ELP1: variants seen among roughly 807,000 people sequenced by gnomAD.
ELP1 encodes the protein elongator acetyltransferase complex subunit 1.
Under a neutral mutation model 183.2 loss-of-function variants are expected in ELP1, and 131 were observed. The ratio of observed to expected loss-of-function variants is 0.72; its 90% CI spans 0.62 to 0.83. The LOEUF (loss-of-function observed/expected upper bound fraction) is 0.83. Ranked by LOEUF, ELP1 falls within the 40% of genes least tolerant of loss-of-function variation. ELP1 has a pLI of 0.00. For synonymous variants in ELP1, 555 were observed against 569.0 expected, an observed-to-expected ratio of 0.98 and a Z score of 0.35; for missense variants, 1,550 against 1,594.9, an observed-to-expected ratio of 0.97 and a Z score of 0.48.
chr9:108,870,234 G>C (rs981381950), intron 36 of ELP1, among the ~76,000 whole-genome samples: 3 of 152,094 alleles, frequency 2.0e-5, no homozygotes, highest in African/African-American at 7.2e-5. Context: ...AAAGTGCTGG[G>C]ATTACAGGTG....
At chr9:108,912,553 T>G in intron 10 of ELP1, 59 bp from the exon 11 acceptor site, 1 of 1,228,516 alleles carries the variant, frequency 8.1e-7, no homozygotes, top group Non-Finnish European at 1.2e-6. Context: ...TCATCCCACT[T>G]GCCAGAGGGG....
rs1406884630 is a variant in ELP1 at position 108,922,913 on chromosome 9, C to T, written c.481G>A (p.Val161Ile). Residue 161 changes from valine to isoleucine, a missense_variant, in exon 6 of 37, where the codon GTT becomes ATT. Val to Ile is a conservative substitution (Grantham distance 29). Transcript: ENST00000374647. Reference sequence around the variant, plus strand: ...TGTGTCTCCTTCCTACCCCATCCAACAGTGATAAACTTGCCTACAGAACAA... The same window carrying T: ...TGTGTCTCCTTCCTACCCCATCCAATAGTGATAAACTTGCCTACAGAACAA... ...DDFGESKFIT[V>I]GWGRKETQFH... 1.2e-6 allele frequency: 2 copies of T among 1,613,720 alleles called. No individual in the cohort carries two copies. The highest frequency in any genetic ancestry group is 1.3e-5 in the African/African-American group (1 of 75,044).
At chr9:108,922,188 T>C (rs182701068) in intron 6 of ELP1, among the ~76,000 whole-genome samples, 1 of 152,316 alleles carries the variant, frequency 6.6e-6, no homozygotes, top group East Asian at 1.9e-4. Flanking sequence ...TTCATAGTTT[T>C]AAAAAATATT....
At chr9:108,903,281 G>A (rs561468303) in intron 15 of ELP1, among the ~76,000 whole-genome samples, 14 of 151,394 alleles carry the variant, frequency 9.2e-5, no homozygotes, top group African/African-American at 3.4e-4. Flanking sequence ...CTGTGTCCAA[G>A]TGTTCTCACT....
chr9:108,870,193 C>G (rs1407504145), intron 36 of ELP1, among the ~76,000 whole-genome samples: 1 of 152,056 alleles, frequency 6.6e-6, no homozygotes, highest in Non-Finnish European at 1.5e-5. Flanking sequence ...TCTCAAAACT[C>G]CTGGTCTCGT....
At chr9:108,915,714 T>C (rs1276181453) in intron 10 of ELP1, among the ~76,000 whole-genome samples, 1 of 139,352 alleles carries the variant, frequency 7.2e-6, no homozygotes, top group Non-Finnish European at 1.6e-5. Context: ...CAGCTGACCC[T>C]TGAACAACAC....
rs990520942 is a variant in ELP1, at chr9:108,898,754, G to A, written c.2205-5C>T. ...AATGCCTCTTTAAACATAAGTCTGT[G>A]AGAAGACAGAGAAAGAATAGAAAAG... On this transcript the variant is annotated splice_region_variant and splice_polypyrimidine_tract_variant and intron_variant, in intron 20 of 36. Coordinates refer to ENST00000374647, the MANE Select transcript of ELP1 (RefSeq NM_003640.5). The A allele has an allele frequency of 2.5e-6, 4 of 1,592,048 alleles. No individual in the cohort carries two copies. Among genetic ancestry groups the A allele is most frequent in the Admixed American group, 3.3e-5 (2 of 59,970 alleles).
At chr9:108,919,479 C>A in intron 6 of ELP1, 130 bp from the exon 7 acceptor site, 1 of 615,424 alleles carries the variant, frequency 1.6e-6, no homozygotes, top group Non-Finnish European at 3.0e-6. Context: ...CCTCTAGAAT[C>A]AGAAACCATC....
chr9:108,910,214 C>T (rs938704010), intron 12 of ELP1, among the ~76,000 whole-genome samples: 15 of 152,130 alleles, frequency 9.9e-5, no homozygotes, highest in Non-Finnish European at 1.8e-4. Flanking sequence ...GCATTTTACA[C>T]ACTGAAACTA....
intron 2 of ELP1, among the ~76,000 whole-genome samples, chr9:108,930,453 C>G (rs568094621): frequency 1.1e-4 from 16 of 152,018 alleles, no homozygotes; most frequent in African/African-American, 3.6e-4. Context: ...CTTGGCCGGG[C>G]GCTGAGGCAG....
At chr9:108,879,321 C>T in intron 33 of ELP1, 125 bp downstream of exon 33, 1 of 754,396 alleles carries the variant, frequency 1.3e-6, no homozygotes, top group Non-Finnish European at 2.4e-6. Context: ...ACAACTTCCA[C>T]ACAGCGCTGA....
At position 108,879,529 on chromosome 9, in the gene ELP1, T is replaced by G. The variant is rs765087809; in HGVS notation, c.3489A>C (p.Ser1163=). ...CACTGCTAGTTTCAGAGAAGAGGTCTGACTCTTGCCCGTGGGGTACCTCAT... is the reference window on the plus strand; with the variant it reads ...CACTGCTAGTTTCAGAGAAGAGGTCGGACTCTTGCCCGTGGGGTACCTCAT... ...LDDEVPHGQE[S]DLFSETSSVV... The change falls in exon 33 of 37, where the codon TCA becomes TCC. Residue 1163 remains serine, a synonymous_variant. Coordinates refer to ENST00000374647, the MANE Select transcript of ELP1 (RefSeq NM_003640.5). 7 of 1,613,998 alleles carry G rather than the reference T, an allele frequency of 4.3e-6. No homozygotes were observed. Among genetic ancestry groups the G allele is most frequent in the Non-Finnish European group, 5.9e-6 (7 of 1,179,974 alleles).
rs1827772289 is a variant in ELP1 at position 108,878,135 on chromosome 9, T to TA, written c.3714dup (p.Ile1239TyrfsTer9). The TA allele has an allele frequency of 6.2e-7, 1 of 1,608,044 alleles. No homozygotes were observed. Among genetic ancestry groups the TA allele is most frequent in the Admixed American group, 1.7e-5 (1 of 60,024 alleles). On this transcript the variant is annotated frameshift_variant, in exon 35 of 37. Transcript: ENST00000374647. LOFTEE classifies it high-confidence loss of function. ...TCAAAGAGAAAGAGTACCTTTAAAA[T>TA]ATGGTATACTTCATCTAGAGAGAAG...
intron 36 of ELP1, 134 bp downstream of exon 36, chr9:108,874,761 G>A (rs1429901622): frequency 2.9e-6 from 2 of 700,528 alleles, no homozygotes; most frequent in Non-Finnish European, 5.1e-6. Context: ...TTAGAATTGA[G>A]GAAGAATTGT....
chr9:108,932,167 T>G (rs1180843496), intron 1 of ELP1, among the ~76,000 whole-genome samples: 2 of 152,132 alleles, frequency 1.3e-5, no homozygotes, highest in Non-Finnish European at 2.9e-5. Context: ...TCAATCCTAA[T>G]AGTACACAGA....
chr9:108,910,531 C>T (rs747641634), intron 12 of ELP1, among the ~76,000 whole-genome samples: 1 of 152,146 alleles, frequency 6.6e-6, no homozygotes, highest in Non-Finnish European at 1.5e-5. Flanking sequence ...TGTGGCAGGA[C>T]AAGTGGATTA....
Position 108,878,620 on chromosome 9 carries a change from T to C in ELP1, c.3700+3A>G, listed in dbSNP as rs2118935772. 17 of 1,614,210 alleles carry C rather than the reference T, an allele frequency of 1.1e-5. No homozygotes were observed. Among genetic ancestry groups the C allele is most frequent in the Non-Finnish European group, 1.3e-5 (15 of 1,180,024 alleles). On this transcript the variant is annotated splice_donor_region_variant and intron_variant, in intron 34 of 36. Coordinates refer to ENST00000374647, the MANE Select transcript of ELP1 (RefSeq NM_003640.5). The stretch of plus-strand genomic sequence containing the variant: ...GGAATCATCATCAGGACTGAGAATA[T>C]ACCTTTCAGGTTTTCAGTGTTCTGC...
intron 2 of ELP1, among the ~76,000 whole-genome samples, chr9:108,930,222 T>C (rs1357775094): frequency 2.6e-5 from 4 of 152,182 alleles, no homozygotes; most frequent in Non-Finnish European, 1.5e-5. Flanking sequence ...AAGATTTCTA[T>C]AGTATGGGGA....
At chr9:108,918,952 A>G (rs1190070898) in intron 7 of ELP1, 51 bp from the exon 8 acceptor site, 13 of 1,376,694 alleles carry the variant, frequency 9.4e-6, no homozygotes, top group Non-Finnish European at 1.3e-5. Context: ...CATTATGATA[A>G]AAGTTGTCAA....
Sources: allele counts gnomAD v4.1 joint callset (sites outside exome capture counted in the v4.1 genomes callset), GRCh38; gene constraint gnomAD v4.1.1; transcripts MANE v1.5; gene names NCBI Gene and HGNC (gene_info 2026-07-23, HGNC 2026-07-21).